WHRN: variants seen among roughly 807,000 people sequenced by gnomAD.
WHRN encodes CASK-interacting protein CIP98.
WHRN carries 41 observed loss-of-function variants against 68.3 expected under a neutral mutation model. The observed-to-expected ratio is 0.60, with a 90% confidence interval of 0.47 to 0.78. The LOEUF (loss-of-function observed/expected upper bound fraction) is 0.78. Ranked by LOEUF, WHRN falls within the 30% of genes least tolerant of loss-of-function variation. WHRN has a pLI of 0.00. For missense variants in WHRN, 1,243 were observed against 1,244.7 expected (o/e 1.00, Z 0.02); for synonymous variants, 560 against 561.3 (o/e 1.00, Z 0.03).
chr9:114,467,426 G>A (rs1167790369), intron 2 of WHRN, among the ~76,000 whole-genome samples: 1 of 152,022 alleles, frequency 6.6e-6, no homozygotes, highest in Non-Finnish European at 1.5e-5. Flanking sequence ...GTACAGAGAA[G>A]GGGCAATGGT....
At chr9:114,427,540 C>T (rs1341075543) in intron 3 of WHRN, among the ~76,000 whole-genome samples, 1 of 152,156 alleles carries the variant, frequency 6.6e-6, no homozygotes, top group Non-Finnish European at 1.5e-5. Flanking sequence ...CCCCAGTTTC[C>T]CAGCCTGCTG....
intron 2 of WHRN, among the ~76,000 whole-genome samples, chr9:114,473,745 T>C (rs536384249): frequency 2.0e-5 from 3 of 152,196 alleles, no homozygotes; most frequent in Non-Finnish European, 4.4e-5. Flanking sequence ...GTGGAAGCAA[T>C]AGAAGCAGGA....
chr9:114,422,629 T>C (rs939011284), intron 7 of WHRN, among the ~76,000 whole-genome samples: 6 of 151,802 alleles, frequency 4.0e-5, no homozygotes, highest in Non-Finnish European at 8.8e-5. Flanking sequence ...ATGTCAGGAG[T>C]TCGAGACCAG....
intron 4 of WHRN, 161 bp downstream of exon 4, chr9:114,426,050 A>C (rs1294923307): frequency 9.6e-6 from 8 of 835,224 alleles, no homozygotes; most frequent in African/African-American, 1.7e-5. Flanking sequence ...CCAAGAGAGG[A>C]GAGGGATGTG....
intron 7 of WHRN, among the ~76,000 whole-genome samples, chr9:114,416,456 A>AG (rs1311947170): frequency 6.6e-6 from 1 of 152,250 alleles, no homozygotes; most frequent in Non-Finnish European, 1.5e-5. Flanking sequence ...TCATGCGAGC[A>AG]GATTTCCCTT....
chr9:114,479,515 T>G (rs1382030960), intron 1 of WHRN, among the ~76,000 whole-genome samples: 1 of 152,198 alleles, frequency 6.6e-6, no homozygotes, highest in East Asian at 1.9e-4. Flanking sequence ...AGAGAATCAC[T>G]GAACCCAGGT....
At chr9:114,494,625 C>G (rs533056067) in intron 1 of WHRN, among the ~76,000 whole-genome samples, 3 of 152,174 alleles carry the variant, frequency 2.0e-5, no homozygotes, top group African/African-American at 4.8e-5. Context: ...AAAGACGCAA[C>G]CCCTCAAGTC....
chr9:114,503,228 T>TG (rs1411154072), intron 1 of WHRN: 3 of 984,050 alleles, frequency 3.0e-6, no homozygotes, highest in Non-Finnish European at 3.6e-6. Flanking sequence ...TGGCGGGGAG[T>TG]GGGGGTTTAC....
Position 114,486,891 on chromosome 9 carries a change from TGTGTGTGTGTGTGTAGA to T in WHRN, c.619-8137_619-8121del, listed in dbSNP as rs1419517008. On this transcript the variant is annotated intron_variant, in intron 1 of 11. Transcript: ENST00000362057. ...TAGTTCTGATGATTAAATTAGTGTG[TGTGTGTGTGTGTGTAGA>T]GTGTGTGTGTGTGTGTAGAGTGTGT... Among the ~76,000 whole-genome samples the T allele has an allele frequency of 6.0e-4, 31 of 51,522 alleles. No homozygotes were observed. In the East Asian group the frequency reaches 0.013, roughly 21 times the overall value. 33.8% of individuals were successfully genotyped at this position (51,522 alleles called of 152,430 possible).
At chr9:114,454,754 G>A (rs1268115585) in intron 3 of WHRN, among the ~76,000 whole-genome samples, 1 of 151,908 alleles carries the variant, frequency 6.6e-6, no homozygotes, top group African/African-American at 2.4e-5. Flanking sequence ...AACCAGAGGA[G>A]CCAAAACAAT....
intron 1 of WHRN, among the ~76,000 whole-genome samples, chr9:114,488,482 G>A (rs909432528): frequency 1.3e-5 from 2 of 152,084 alleles, no homozygotes; most frequent in Non-Finnish European, 2.9e-5. Flanking sequence ...CCTCTCACCA[G>A]CAGTTTAAGG....
At chr9:114,469,536 C>A (rs1341967384) in intron 2 of WHRN, among the ~76,000 whole-genome samples, 1 of 152,200 alleles carries the variant, frequency 6.6e-6, no homozygotes, top group Non-Finnish European at 1.5e-5. Flanking sequence ...TCCCTGGAGG[C>A]AGCTCTGTGG....
chr9:114,447,058 T>C (rs1217777054), intron 3 of WHRN, among the ~76,000 whole-genome samples: 2 of 152,140 alleles, frequency 1.3e-5, no homozygotes, highest in African/African-American at 4.8e-5. Flanking sequence ...CCACATTCAA[T>C]GCCCCAACCA....
At position 114,447,655 on chromosome 9, in the gene WHRN, T is replaced by C. The variant is rs114491967; in HGVS notation, c.963+18612A>G. On this transcript the variant is annotated intron_variant, in intron 3 of 11. Coordinates refer to ENST00000362057, the MANE Select transcript of WHRN (RefSeq NM_015404.4). The stretch of plus-strand genomic sequence containing the variant: ...TTGAATGTGTGTCCTCCACTAAAAC[T>C]CATGCAGTATTAAGAGATGGGACCC... 4.6e-3 allele frequency among the ~76,000 whole-genome samples: 702 copies of C among 152,258 alleles called. 6 individuals carry two copies. Among genetic ancestry groups the C allele is most frequent in the African/African-American group, 0.015 (634 of 41,526 alleles).
chr9:114,425,838 C>T, intron 4 of WHRN: 1 of 344,500 alleles, frequency 2.9e-6, no homozygotes, highest in Non-Finnish European at 5.6e-6. Flanking sequence ...TGGCCTCTGG[C>T]CAAATACACC....
At chr9:114,502,812 G>C (rs1168586035) in intron 1 of WHRN, among the ~76,000 whole-genome samples, 1 of 152,130 alleles carries the variant, frequency 6.6e-6, no homozygotes, top group East Asian at 1.9e-4. Flanking sequence ...TTTATCATCT[G>C]GGAACTCCAG....
intron 3 of WHRN, among the ~76,000 whole-genome samples, chr9:114,445,569 G>T (rs1416883863): frequency 6.6e-6 from 1 of 152,124 alleles, no homozygotes; most frequent in South Asian, 2.1e-4. Context: ...AAAAAATTGT[G>T]GGGAGACAAG....
At chr9:114,500,770 T>C (rs1427330620) in intron 1 of WHRN, among the ~76,000 whole-genome samples, 2 of 152,218 alleles carry the variant, frequency 1.3e-5, no homozygotes, top group Admixed American at 6.5e-5. Context: ...CAGAATCCTA[T>C]TGTTTCCTCA....
intron 3 of WHRN, among the ~76,000 whole-genome samples, chr9:114,430,203 G>T (rs1284938059): frequency 6.6e-6 from 1 of 152,188 alleles, no homozygotes; most frequent in African/African-American, 2.4e-5. Context: ...GGGCAGTGAG[G>T]GGAGGGAACA....
Sources: allele counts gnomAD v4.1 joint callset (sites outside exome capture counted in the v4.1 genomes callset), GRCh38; gene constraint gnomAD v4.1.1; transcripts MANE v1.5; gene names NCBI Gene and HGNC (gene_info 2026-07-23, HGNC 2026-07-21).